The following EDAR variants were observed in gnomAD, a reference collection of about 807,000 sequenced individuals.
EDAR encodes ectodysplasin A receptor.
Under a neutral mutation model 51.3 loss-of-function variants are expected in EDAR, and 38 were observed. That is an observed-to-expected ratio of 0.74 (90% CI 0.57 to 0.97). The LOEUF (loss-of-function observed/expected upper bound fraction) is 0.97, where lower values mean the gene tolerates loss of function less well. EDAR is among the 50% of genes least tolerant of loss of function. The pLI is 0.00. For synonymous variants in EDAR, 227 were observed against 242.1 expected (o/e 0.94, Z 0.58); for missense variants, 528 against 595.0 (o/e 0.89, Z 1.17).
intron 1 of EDAR, among the ~76,000 whole-genome samples, chr2:108,957,543 C>G (rs1325609218): frequency 2.0e-5 from 3 of 152,212 alleles, no homozygotes; most frequent in Admixed American, 6.5e-5. Flanking sequence ...ATTTCTTCAC[C>G]CTCCTCCACT....
At chr2:108,926,700 G>T (rs537155553) in intron 4 of EDAR, among the ~76,000 whole-genome samples, 1 of 152,202 alleles carries the variant, frequency 6.6e-6, no homozygotes, top group Non-Finnish European at 1.5e-5. Context: ...AAAGCCTCGG[G>T]TGCTGCTCAT....
At position 108,907,939 on chromosome 2, in the gene EDAR, T is replaced by G; in HGVS notation, c.884A>C (p.Gln295Pro). ...DSDEEPAPDKQGSPELCLLSL... is the reference protein window; with the variant it reads ...DSDEEPAPDKPGSPELCLLSL... Reference sequence around the variant, plus strand: ...CAGCAGGCACAGCTCCGGGGAGCCCTGCTTGTCAGGGGCGGGCTCCTCATC... The same window carrying G: ...CAGCAGGCACAGCTCCGGGGAGCCCGGCTTGTCAGGGGCGGGCTCCTCATC... Residue 295 changes from glutamine (Q) to proline (P), a missense_variant, in exon 10 of 12, where the codon CAG (glutamine) becomes CCG (proline). Gln to Pro is a moderately conservative substitution (Grantham distance 76). Transcript: ENST00000258443. The G allele has an allele frequency of 6.2e-7, 1 of 1,613,658 alleles. No individual in the cohort carries two copies. Among genetic ancestry groups the G allele is most frequent in the East Asian group, 2.2e-5 (1 of 44,854 alleles).
chr2:108,983,437 T>C (rs534010440), intron 1 of EDAR, among the ~76,000 whole-genome samples: 5 of 152,154 alleles, frequency 3.3e-5, no homozygotes, highest in Admixed American at 1.3e-4. Context: ...TAAAACCACA[T>C]CTAACTGGGT....
intron 1 of EDAR, among the ~76,000 whole-genome samples, chr2:108,988,587 G>A (rs868087353): frequency 1.3e-5 from 2 of 152,044 alleles, no homozygotes; most frequent in Non-Finnish European, 2.9e-5. Context: ...AGTCCCTGCC[G>A]CGCCTGCCTT....
At chr2:108,950,350 G>A (rs1013440865) in intron 1 of EDAR, among the ~76,000 whole-genome samples, 6 of 151,712 alleles carry the variant, frequency 4.0e-5, no homozygotes, top group African/African-American at 4.8e-5. Flanking sequence ...TTTTGGGCTC[G>A]AATGATCCTC....
chr2:108,904,328 A>G (rs899812476), intron 11 of EDAR, among the ~76,000 whole-genome samples: 1 of 152,230 alleles, frequency 6.6e-6, no homozygotes, highest in Non-Finnish European at 1.5e-5. Context: ...TGGCAAGCAT[A>G]TGGAGAAACT....
intron 2 of EDAR, 50 bp downstream of exon 2, chr2:108,930,914 C>A (rs1697354843): frequency 6.3e-7 from 1 of 1,599,296 alleles, no homozygotes; most frequent in Admixed American, 1.7e-5. Context: ...AACAGTCCAA[C>A]CATCATGAGG....
chr2:108,902,853 C>G (rs1261360104), intron 11 of EDAR, among the ~76,000 whole-genome samples: 1 of 152,184 alleles, frequency 6.6e-6, no homozygotes, highest in Non-Finnish European at 1.5e-5. Flanking sequence ...AGGATTTCTG[C>G]TTCTGCTTCA....
intron 1 of EDAR, among the ~76,000 whole-genome samples, chr2:108,946,729 A>G (rs1012344832): frequency 6.6e-6 from 1 of 152,156 alleles, no homozygotes; most frequent in Non-Finnish European, 1.5e-5. Flanking sequence ...AGATCTCATG[A>G]GAACTCACTC....
chr2:108,960,409 T>C (rs772929565), intron 1 of EDAR, among the ~76,000 whole-genome samples: 1 of 152,174 alleles, frequency 6.6e-6, no homozygotes, highest in African/African-American at 2.4e-5. Flanking sequence ...GGTTCACCTG[T>C]GGTGCTCCCC....
intron 7 of EDAR, 40 bp from the exon 8 acceptor site, chr2:108,910,890 CA>C: frequency 6.2e-7 from 1 of 1,614,026 alleles, no homozygotes; most frequent in South Asian, 1.1e-5. Context: ...GGCTCTCCGA[CA>C]GGGGGAGTTG....
At chr2:108,952,026 T>A (rs1697836726) in intron 1 of EDAR, among the ~76,000 whole-genome samples, 1 of 152,198 alleles carries the variant, frequency 6.6e-6, no homozygotes, top group Non-Finnish European at 1.5e-5. Flanking sequence ...AGCAAAAGCA[T>A]GTTTTATTTT....
chr2:108,958,182 C>T (rs1697961197), intron 1 of EDAR, among the ~76,000 whole-genome samples: 1 of 152,102 alleles, frequency 6.6e-6, no homozygotes. Flanking sequence ...GGCCTTTATA[C>T]AAAGAAGTGT....
intron 5 of EDAR, among the ~76,000 whole-genome samples, chr2:108,918,894 G>C (rs929677907): frequency 6.6e-6 from 1 of 152,162 alleles, no homozygotes; most frequent in Non-Finnish European, 1.5e-5. Context: ...GTCAACAAGG[G>C]GTCCCAGACT....
At chr2:108,942,546 G>A (rs976597491) in intron 1 of EDAR, among the ~76,000 whole-genome samples, 1 of 152,256 alleles carries the variant, frequency 6.6e-6, no homozygotes, top group Non-Finnish European at 1.5e-5. Context: ...CAGCGTCCCC[G>A]TCTCCCTCCC....
At position 108,974,598 on chromosome 2, in the gene EDAR, T is replaced by C. The variant is rs187980825; in HGVS notation, c.-19+14362A>G. ...CACAAAAATTAGCTGGGCATGGTGG[T>C]GTGTGCCTGTAATCCCAGCTACTTG... is the stretch of plus-strand genomic sequence containing the variant. On this transcript the variant is annotated intron_variant, in intron 1 of 11. Transcript: ENST00000258443. Among the ~76,000 whole-genome samples the C allele has an allele frequency of 7.4e-3, 1,121 of 150,930 alleles. 10 individuals carry two copies. The highest frequency in any genetic ancestry group is 0.03 in the South Asian group (143 of 4,752).
rs1231855452 is a variant in EDAR at position 108,941,494 on chromosome 2, C to T, written c.-18-10462G>A. Among the ~76,000 whole-genome samples the T allele has an allele frequency of 2.0e-5, 3 of 152,170 alleles. No individual in the cohort carries two copies. In the East Asian group the frequency reaches 5.8e-4, roughly 29 times the overall value. On this transcript the variant is annotated intron_variant, in intron 1 of 11. Coordinates refer to ENST00000258443, the MANE Select transcript of EDAR (RefSeq NM_022336.4). ...CCCCTGAGCTGTTCCCTTTGAGGGGCTTCCTGGCGACCCTTCCTGACCAGC... is the reference window on the plus strand; with the variant it reads ...CCCCTGAGCTGTTCCCTTTGAGGGGTTTCCTGGCGACCCTTCCTGACCAGC...
At chr2:108,906,160 T>C in intron 11 of EDAR, 148 bp downstream of exon 11, 2 of 768,464 alleles carry the variant, frequency 2.6e-6, no homozygotes, top group Non-Finnish European at 4.5e-6. Flanking sequence ...ACACCTGAAA[T>C]AGTTTCCAGC....
Position 108,911,021 on chromosome 2 carries a change from G to A in EDAR, c.581C>T (p.Thr194Ile), listed in dbSNP as rs143058412. The change falls in exon 7 of 12, where the codon ACC (threonine) becomes ATC (isoleucine). Residue 194 changes from threonine to isoleucine, a missense_variant. Transcript: ENST00000258443. ...GATGGCGATGGCCATGATGAAGATG[G>A]TGGACATTGCAATGATCAGGGCAGT... ...LATALIIAMS[T>I]IFIMAIAIVL... 2.5e-6 allele frequency: 4 copies of A among 1,614,044 alleles called. No individual in the cohort carries two copies. Among genetic ancestry groups the A allele is most frequent in the Middle Eastern group, 1.6e-4 (1 of 6,084 alleles).
Sources: gnomAD v4.1 joint callset for allele counts (sites outside exome capture counted in the v4.1 genomes callset) on GRCh38, gnomAD v4.1.1 for gene constraint, MANE v1.5 for transcripts, NCBI Gene and HGNC (gene_info 2026-07-23, HGNC 2026-07-21) for gene names.